MALAT1: variants seen among roughly 807,000 people sequenced by gnomAD.
The protein encoded by MALAT1 is metastasis associated lung adenocarcinoma transcript 1.
chr11:65,497,826 C>G (rs774648841), exon 1 of MALAT1: 1 of 513,288 alleles, frequency 1.9e-6, no homozygotes, highest in Non-Finnish European at 3.9e-6. Context: ...ATTTTAGCAA[C>G]GCAGAAGCCC....
chr11:65,503,708 G>GA, exon 3 of MALAT1: 1 of 517,728 alleles, frequency 1.9e-6, no homozygotes, highest in South Asian at 1.4e-5. Flanking sequence ...TCTTGGGGGG[G>GA]ATTCTTCTCT....
chr11:65,505,167 CT>C (rs752288826), intron 3 of MALAT1: 1 of 518,678 alleles, frequency 1.9e-6, no homozygotes, highest in Non-Finnish European at 3.9e-6. Flanking sequence ...GGCGCTAAGC[CT>C]TTTTTTAAGA....
At chr11:65,498,694 A>G (rs761830338) in exon 2 of MALAT1, 2 of 518,536 alleles carry the variant, frequency 3.9e-6, no homozygotes. Context: ...GGTAAACTAT[A>G]CCTACTGTCC....
At chr11:65,500,338 A>T (rs776053831) in exon 3 of MALAT1, 1 of 518,588 alleles carries the variant, frequency 1.9e-6, no homozygotes, top group Non-Finnish European at 3.9e-6. Flanking sequence ...TTTGCATTGG[A>T]CTTTGAGTTA....
chr11:65,506,002 C>T (rs777801798), intron 3 of MALAT1: 3 of 464,992 alleles, frequency 6.5e-6, no homozygotes, highest in East Asian at 5.7e-5. Context: ...AGCTGATCTC[C>T]AATGCTCTTC....
exon 3 of MALAT1, chr11:65,499,405 C>T (rs185612860): frequency 2.5e-5 from 12 of 485,032 alleles, no homozygotes; most frequent in Non-Finnish European, 4.5e-5. Flanking sequence ...AAGGGCAATG[C>T]TTTTAGATTA....
At chr11:65,498,910 A>C (rs537875110) in intron 2 of MALAT1, 10 of 518,708 alleles carry the variant, frequency 1.9e-5, no homozygotes, top group South Asian at 1.4e-4. Flanking sequence ...AAAAATCTAG[A>C]AAAGTAAAAC....
At chr11:65,499,102 A>G (rs1403914075) in exon 3 of MALAT1, 1 of 518,400 alleles carries the variant, frequency 1.9e-6, no homozygotes, top group South Asian at 1.4e-5. Context: ...GAGCTTGAGG[A>G]AACCGCAGAT....
intron 3 of MALAT1, chr11:65,505,857 A>C: frequency 4.3e-6 from 2 of 467,404 alleles, no homozygotes; most frequent in Non-Finnish European, 8.5e-6. Flanking sequence ...GCTGGGTGGG[A>C]ACATGTAACT....
exon 3 of MALAT1, chr11:65,499,620 G>A: frequency 2.2e-6 from 1 of 446,968 alleles, no homozygotes; most frequent in Non-Finnish European, 4.5e-6. Context: ...AATTGGGAGT[G>A]GTAGGATGAA....
At chr11:65,503,985 T>G (rs1854614827) in intron 3 of MALAT1, 1 of 516,716 alleles carries the variant, frequency 1.9e-6, no homozygotes, top group Non-Finnish European at 3.9e-6. Flanking sequence ...TGACAGTGAT[T>G]AGAGTAATAC....
At chr11:65,499,264 A>G (rs1854479876) in exon 3 of MALAT1, 1 of 513,970 alleles carries the variant, frequency 1.9e-6, no homozygotes, top group South Asian at 1.4e-5. Flanking sequence ...GAAGAGTAGC[A>G]TGAGGAAGGA....
chr11:65,498,281 T>C, intron 1 of MALAT1: 1 of 518,668 alleles, frequency 1.9e-6, no homozygotes, highest in Non-Finnish European at 3.8e-6. Flanking sequence ...TGTGAGCACT[T>C]TCAGGAGAGC....
At chr11:65,499,094 G>C (rs367711296) in exon 3 of MALAT1, 1 of 518,304 alleles carries the variant, frequency 1.9e-6, no homozygotes, top group Non-Finnish European at 3.9e-6. Context: ...GGCAGGCGGA[G>C]CTTGAGGAAA....
exon 3 of MALAT1, chr11:65,499,135 T>TA (rs1469392495): frequency 1.9e-6 from 1 of 516,252 alleles, no homozygotes; most frequent in African/African-American, 2.0e-5. Context: ...CTTTGAAAGA[T>TA]AGAGATTAAT....
At chr11:65,503,257 A>G (rs1490776012) in exon 3 of MALAT1, 1 of 516,740 alleles carries the variant, frequency 1.9e-6, no homozygotes, top group Non-Finnish European at 3.9e-6. Context: ...AGAGCTGTGG[A>G]GTTCTTAAAT....
At chr11:65,502,793 C>T (rs547145680) in exon 3 of MALAT1, 3 of 514,092 alleles carry the variant, frequency 5.8e-6, no homozygotes, top group South Asian at 1.4e-5. Context: ...GAGATTCTTA[C>T]TACTGATGAG....
At chr11:65,504,968 T>A (rs1250100519) in intron 3 of MALAT1, 1 of 518,828 alleles carries the variant, frequency 1.9e-6, no homozygotes, top group Admixed American at 1.9e-5. Flanking sequence ...TTCTTCAGAC[T>A]ATAGAAGGAG....
At chr11:65,498,037 T>C (rs1213356029) in intron 1 of MALAT1, 1 of 518,938 alleles carries the variant, frequency 1.9e-6, no homozygotes, top group Non-Finnish European at 3.8e-6. Flanking sequence ...GAGGAAAGCT[T>C]TTATTTTTCT....
Sources: gnomAD v4.1 joint callset for allele counts on GRCh38, gnomAD v4.1.1 for gene constraint, MANE v1.5 for transcripts, NCBI Gene and HGNC (gene_info 2026-07-23, HGNC 2026-07-21) for gene names.